Variants in SYTL5 observed in about 807,000 individuals in gnomAD.
SYTL5 encodes the protein synaptotagmin like 5, also known as synaptotagmin-like protein 5.
Under a neutral mutation model 55.9 loss-of-function variants are expected in SYTL5, and 34 were observed. The ratio of observed to expected loss-of-function variants is 0.61; its 90% CI spans 0.46 to 0.81. The LOEUF (loss-of-function observed/expected upper bound fraction) is 0.81, where lower values mean the gene tolerates loss of function less well. Among genes scored for constraint, SYTL5 ranks in the 30% least tolerant of loss-of-function variants. SYTL5 has a pLI of 0.00. For synonymous variants in SYTL5, 221 were observed against 188.7 expected (o/e 1.17, Z -1.40); for missense variants, 637 against 546.7 (o/e 1.17, Z -1.65).
At chrX:37,991,288 G>A in the SYTL5 span, 5 of 1,106,020 alleles carry the variant, frequency 4.5e-6, 1 homozygote, top group Middle Eastern at 1.2e-3. Flanking sequence ...TCATCAACAA[G>A]TGCTATTAAA....
the SYTL5 span, among the ~76,000 whole-genome samples, chrX:37,993,012 A>G: frequency 9.0e-5 from 10 of 111,557 alleles, no homozygotes; most frequent in African/African-American, 2.9e-4. Context: ...ATAAAAAAAA[A>G]AACTGTTCTC....
the SYTL5 span, among the ~76,000 whole-genome samples, chrX:37,897,277 G>A: frequency 2.7e-5 from 3 of 109,781 alleles, no homozygotes; most frequent in Non-Finnish European, 3.8e-5. Context: ...AAGGTCAGGA[G>A]TTCGAGACCA....
At chrX:37,978,685 A>T in the SYTL5 span, among the ~76,000 whole-genome samples, 1 of 112,356 alleles carries the variant, frequency 8.9e-6, no homozygotes, top group South Asian at 3.7e-4. Context: ...CCTTCCATGA[A>T]GAAGTGATAA....
At position 38,126,950 on chromosome X, in the gene SYTL5, A is replaced by G; in HGVS notation, c.*220A>G. On this transcript the variant is annotated 3_prime_UTR_variant, in exon 17 of 17. Transcript: ENST00000297875. ...ATCAAGGCCTTCTTGATTGGATGAT[A>G]GAAAGTGTACTACTTGTCCTGTCAA... 2.6e-6 allele frequency: 1 copy of G among 384,298 alleles called. No homozygotes were observed. Among genetic ancestry groups the G allele is most frequent in the Non-Finnish European group, 4.5e-6 (1 of 222,301 alleles). 31.7% of individuals were successfully genotyped at this position (384,298 alleles called of 1,213,427 possible). A position where few individuals can be genotyped will look rare whatever the true frequency, so the allele number is the denominator to read the frequency against.
At chrX:38,079,686 G>C (rs750661475) in intron 6 of SYTL5, among the ~76,000 whole-genome samples, 4 of 112,071 alleles carry the variant, frequency 3.6e-5, no homozygotes, top group African/African-American at 1.3e-4. Context: ...GGGAGTAGGA[G>C]AGACAGAATA....
chrX:37,911,319 T>A, the SYTL5 span, among the ~76,000 whole-genome samples: 1 of 111,107 alleles, frequency 9.0e-6, no homozygotes, highest in East Asian at 2.8e-4. Context: ...TTTCTGTTAA[T>A]AGGACGAAGG....
At chrX:37,896,699 C>G in the SYTL5 span, among the ~76,000 whole-genome samples, 9 of 111,908 alleles carry the variant, frequency 8.0e-5, no homozygotes, top group Middle Eastern at 9.2e-3. Context: ...TGAGGCCATT[C>G]TGGATCATCT....
chrX:37,991,439 G>GTGAT, the SYTL5 span: 1 of 472,002 alleles, frequency 2.1e-6, no homozygotes, highest in Non-Finnish European at 3.4e-6. Context: ...GTTTGAATCA[G>GTGAT]TGATTTAGAG....
chrX:38,107,583 C>T (rs1937251705), intron 11 of SYTL5, among the ~76,000 whole-genome samples: 1 of 111,773 alleles, frequency 8.9e-6, no homozygotes, highest in Non-Finnish European at 1.9e-5. Context: ...TTTATCAGTT[C>T]TGGGAATGGT....
At chrX:38,037,795 T>C (rs1935150350) in intron 2 of SYTL5, among the ~76,000 whole-genome samples, 1 of 102,531 alleles carries the variant, frequency 9.8e-6, no homozygotes, top group Non-Finnish European at 2.0e-5. Flanking sequence ...TTCTGATAGA[T>C]AGATAGATAG....
At chrX:37,967,610 G>A in the SYTL5 span, among the ~76,000 whole-genome samples, 150 of 111,340 alleles carry the variant, frequency 1.3e-3, no homozygotes, top group African/African-American at 4.7e-3. Context: ...CAAGATTTAT[G>A]AAGTTTTGGA....
intron 3 of SYTL5, among the ~76,000 whole-genome samples, chrX:38,056,587 TGA>T (rs939661303): frequency 2.1e-4 from 24 of 111,957 alleles, no homozygotes; most frequent in African/African-American, 6.8e-4. Context: ...CAACAGTGTG[TGA>T]GAGTTCCTTT....
At chrX:38,110,072 T>C (rs1375079445) in intron 12 of SYTL5, among the ~76,000 whole-genome samples, 1 of 111,935 alleles carries the variant, frequency 8.9e-6, no homozygotes, top group Non-Finnish European at 1.9e-5. Context: ...ATGCAGTATA[T>C]GGAGTTTATC....
the SYTL5 span, among the ~76,000 whole-genome samples, chrX:37,952,582 G>A: frequency 9.0e-6 from 1 of 111,229 alleles, no homozygotes; most frequent in South Asian, 3.8e-4. Flanking sequence ...GGTAAGGAGA[G>A]GGCCAGGGAT....
the SYTL5 span, among the ~76,000 whole-genome samples, chrX:37,997,458 G>C: frequency 8.9e-6 from 1 of 112,341 alleles, no homozygotes; most frequent in Admixed American, 9.3e-5. Context: ...TGCTCCCCCT[G>C]CTTGGCTCTC....
At chrX:37,901,243 T>G in the SYTL5 span, among the ~76,000 whole-genome samples, 1 of 112,063 alleles carries the variant, frequency 8.9e-6, no homozygotes, top group Admixed American at 9.5e-5. Context: ...AGACCCCAGG[T>G]GCTCTGCCAT....
the SYTL5 span, among the ~76,000 whole-genome samples, chrX:37,985,580 T>C: frequency 9.1e-6 from 1 of 110,239 alleles, no homozygotes; most frequent in Admixed American, 9.7e-5. Context: ...AGATTTAATA[T>C]TGTCAGATTG....
the SYTL5 span, among the ~76,000 whole-genome samples, chrX:37,892,741 A>G: frequency 1.1e-5 from 1 of 92,108 alleles, no homozygotes; most frequent in Non-Finnish European, 2.0e-5. Flanking sequence ...TACGTATATT[A>G]GTATATATGT....
chrX:38,024,339 GCCTTT>G (rs1934678880), intron 1 of SYTL5, among the ~76,000 whole-genome samples: 1 of 110,987 alleles, frequency 9.0e-6, no homozygotes, highest in Admixed American at 9.6e-5. Context: ...TGTAAGACGT[GCCTTT>G]GTTCCTCCTT....
Sources: allele counts gnomAD v4.1 joint callset (sites outside exome capture counted in the v4.1 genomes callset), GRCh38; gene constraint gnomAD v4.1.1; transcripts MANE v1.5; gene names NCBI Gene and HGNC (gene_info 2026-07-23, HGNC 2026-07-21).